The following DCDC1 variants were observed in gnomAD, a reference collection of about 807,000 sequenced individuals.
DCDC1 encodes doublecortin domain containing 1.
A neutral mutation model predicts 178.3 loss-of-function variants in DCDC1; 200 were observed. The observed-to-expected ratio is 1.12, with a 90% CI of 1.00 to 1.26. The LOEUF is 1.26. Ranked by LOEUF, DCDC1 falls within the 50% of genes most tolerant of loss-of-function variation. DCDC1 has a pLI of 0.00. For missense variants in DCDC1, 1,983 were observed against 1,749.2 expected, an observed-to-expected ratio of 1.13 and a Z score of -2.38; for synonymous variants, 690 against 604.8, an observed-to-expected ratio of 1.14 and a Z score of -2.07.
At chr11:31,135,834 T>C (rs1314193757) in intron 10 of DCDC1, among the ~76,000 whole-genome samples, 8 of 152,090 alleles carry the variant, frequency 5.3e-5, no homozygotes, top group Non-Finnish European at 1.0e-4. Context: ...ATAAGCATAA[T>C]TGCCATTAGA....
chr11:30,921,084 T>A, intron 24 of DCDC1, 149 bp from the exon 25 acceptor site: 1 of 792,208 alleles, frequency 1.3e-6, no homozygotes, highest in East Asian at 3.0e-5. Flanking sequence ...TTGAATTTAA[T>A]TTTAATTTTT....
chr11:31,139,476 CTCTCA>C (rs1963560709), intron 9 of DCDC1, among the ~76,000 whole-genome samples: 1 of 152,176 alleles, frequency 6.6e-6, no homozygotes, highest in South Asian at 2.1e-4. Flanking sequence ...ATCAGGGGAG[CTCTCA>C]TCTCGAGAGG....
chr11:30,957,043 C>T (rs1361747075), intron 20 of DCDC1, among the ~76,000 whole-genome samples: 1 of 152,170 alleles, frequency 6.6e-6, no homozygotes, highest in African/African-American at 2.4e-5. Flanking sequence ...CAGCTCCCTA[C>T]CTCTGTACCC....
At chr11:31,175,857 G>A (rs1215585531) in intron 9 of DCDC1, among the ~76,000 whole-genome samples, 1 of 152,124 alleles carries the variant, frequency 6.6e-6, no homozygotes, top group African/African-American at 2.4e-5. Context: ...ACTCAGAACC[G>A]AAGTTAATGC....
chr11:31,328,622 C>T (rs1021659158), intron 2 of DCDC1, among the ~76,000 whole-genome samples: 1 of 151,832 alleles, frequency 6.6e-6, no homozygotes, highest in Non-Finnish European at 1.5e-5. Context: ...CACAGTGAAA[C>T]CCCGTCTCTA....
At chr11:31,102,608 A>G (rs1302806906) in intron 14 of DCDC1, among the ~76,000 whole-genome samples, 3 of 152,168 alleles carry the variant, frequency 2.0e-5, no homozygotes, top group South Asian at 4.1e-4. Flanking sequence ...AAGAGCTACA[A>G]TTTGTTAAAT....
intron 20 of DCDC1, among the ~76,000 whole-genome samples, chr11:30,958,238 G>GT (rs1198235192): frequency 6.6e-6 from 1 of 152,168 alleles, no homozygotes; most frequent in African/African-American, 2.4e-5. Context: ...GAAAAAGTAT[G>GT]TGGATGGATC....
intron 9 of DCDC1, among the ~76,000 whole-genome samples, chr11:31,144,642 T>C (rs1231713110): frequency 6.6e-6 from 1 of 152,196 alleles, no homozygotes; most frequent in African/African-American, 2.4e-5. Flanking sequence ...TTAGTTTGAA[T>C]TATTCTATTA....
At chr11:31,052,989 G>A (rs1456542433) in intron 20 of DCDC1, among the ~76,000 whole-genome samples, 2 of 151,902 alleles carry the variant, frequency 1.3e-5, no homozygotes, top group African/African-American at 4.8e-5. Context: ...CAAGATCAGA[G>A]CAGAACTAAA....
chr11:30,948,780 G>A (rs2134453625), intron 21 of DCDC1, among the ~76,000 whole-genome samples: 1 of 152,264 alleles, frequency 6.6e-6, no homozygotes, highest in South Asian at 2.1e-4. Context: ...AATAAATGGT[G>A]TTGGGAAAAC....
intron 15 of DCDC1, among the ~76,000 whole-genome samples, chr11:31,097,181 T>G (rs765014642): frequency 2.6e-5 from 4 of 152,226 alleles, no homozygotes; most frequent in Admixed American, 6.5e-5. Context: ...TGCATACACA[T>G]GCTGGGCCAG....
intron 20 of DCDC1, among the ~76,000 whole-genome samples, chr11:30,957,727 A>G (rs555402982): frequency 3.9e-5 from 6 of 152,320 alleles, no homozygotes; most frequent in Admixed American, 6.5e-5. Flanking sequence ...TGGTGAAGTG[A>G]CTATGAAAAC....
chr11:30,990,777 T>C (rs1313805529), intron 20 of DCDC1, among the ~76,000 whole-genome samples: 1 of 152,216 alleles, frequency 6.6e-6, no homozygotes, highest in Non-Finnish European at 1.5e-5. Flanking sequence ...AGTGGAATTG[T>C]AGTTAAAGTT....
intron 8 of DCDC1, among the ~76,000 whole-genome samples, chr11:31,247,462 T>G (rs1268744276): frequency 6.6e-6 from 1 of 151,828 alleles, no homozygotes; most frequent in East Asian, 1.9e-4. Context: ...AGTAATGGGT[T>G]CATCAGATTT....
At chr11:31,096,013 T>C (rs1176625126) in intron 15 of DCDC1, among the ~76,000 whole-genome samples, 1 of 152,196 alleles carries the variant, frequency 6.6e-6, no homozygotes, top group East Asian at 1.9e-4. Context: ...ATTTGTTGAG[T>C]AGCAAATTAT....
chr11:31,357,008 A>T (rs917251990), intron 1 of DCDC1, among the ~76,000 whole-genome samples: 2 of 150,982 alleles, frequency 1.3e-5, no homozygotes, highest in Non-Finnish European at 3.0e-5. Context: ...TACCAGAGGT[A>T]CAAGGAGGAA....
At chr11:31,300,257 TGATGAAGAAAGTA>T (rs1290296512) in intron 6 of DCDC1, among the ~76,000 whole-genome samples, 1 of 152,184 alleles carries the variant, frequency 6.6e-6, no homozygotes, top group Admixed American at 6.5e-5. Flanking sequence ...TTCCTGGCAG[TGATGAAGAAAGTA>T]GAAACAAATT....
chr11:31,289,235 T>C (rs1245089481), intron 7 of DCDC1, among the ~76,000 whole-genome samples: 1 of 151,994 alleles, frequency 6.6e-6, no homozygotes. Flanking sequence ...GAGATTGAAC[T>C]GAAGTGAACT....
chr11:30,939,926 A>C (rs550790643), intron 21 of DCDC1, among the ~76,000 whole-genome samples: 16 of 152,074 alleles, frequency 1.1e-4, no homozygotes, highest in Non-Finnish European at 2.4e-4. Flanking sequence ...TTGACTACTG[A>C]TTCTATTTTT....
Sources: gnomAD v4.1 joint callset for allele counts (sites outside exome capture counted in the v4.1 genomes callset) on GRCh38, gnomAD v4.1.1 for gene constraint, MANE v1.5 for transcripts, NCBI Gene and HGNC (gene_info 2026-07-23, HGNC 2026-07-21) for gene names.